The following RFTN2 variants were observed in gnomAD, a reference collection of about 807,000 sequenced individuals.
RFTN2 encodes raftlin family member 2.
Under a neutral mutation model 52.7 loss-of-function variants are expected in RFTN2, and 34 were observed. The observed-to-expected ratio is 0.64, with a 90% CI of 0.49 to 0.86. The LOEUF (loss-of-function observed/expected upper bound fraction) is 0.86. Among genes scored for constraint, RFTN2 ranks in the 40% least tolerant of loss-of-function variants. The probability of loss-of-function intolerance (pLI) is 0.00; values close to 1 mark genes in which losing one functional copy is unlikely to be tolerated. For missense variants in RFTN2, 536 were observed against 600.1 expected, an observed-to-expected ratio of 0.89 and a Z score of 1.12; for synonymous variants, 203 against 217.7, an observed-to-expected ratio of 0.93 and a Z score of 0.59.
chr2:197,593,295 A>G (rs2087746205), intron 8 of RFTN2, among the ~76,000 whole-genome samples: 2 of 152,126 alleles, frequency 1.3e-5, no homozygotes, highest in Non-Finnish European at 1.5e-5. Flanking sequence ...AACCCTAACT[A>G]CTTGGGAGGC....
At chr2:197,640,433 C>T (rs1321989163) in intron 3 of RFTN2, among the ~76,000 whole-genome samples, 1 of 152,162 alleles carries the variant, frequency 6.6e-6, no homozygotes, top group Non-Finnish European at 1.5e-5. Flanking sequence ...GATATAATCT[C>T]GTGGTGCGCC....
intron 1 of RFTN2, among the ~76,000 whole-genome samples, chr2:197,647,395 A>G (rs1006687370): frequency 1.3e-5 from 2 of 152,030 alleles, no homozygotes; most frequent in Non-Finnish European, 2.9e-5. Flanking sequence ...TTTTTTGTAG[A>G]GGCGAGGTTT....
intron 1 of RFTN2, among the ~76,000 whole-genome samples, chr2:197,653,327 T>C (rs1206623472): frequency 0.014 from 1 of 70 alleles, no homozygotes; most frequent in African/African-American, 0.038. Context: ...ATGAGGGGTC[T>C]GGAGACCTGA....
At chr2:197,639,146 G>C (rs1344759590) in intron 3 of RFTN2, among the ~76,000 whole-genome samples, 1 of 144,648 alleles carries the variant, frequency 6.9e-6, no homozygotes, top group Non-Finnish European at 1.5e-5. Context: ...AGGGTAACCT[G>C]ACCTTTCTCT....
At chr2:197,585,496 A>C (rs908739499) in intron 8 of RFTN2, among the ~76,000 whole-genome samples, 2 of 151,948 alleles carry the variant, frequency 1.3e-5, no homozygotes, top group East Asian at 3.9e-4. Flanking sequence ...CAATACTTTC[A>C]CCCTGATGAA....
At chr2:197,605,242 G>A (rs1024895034) in intron 7 of RFTN2, among the ~76,000 whole-genome samples, 18 of 150,186 alleles carry the variant, frequency 1.2e-4, no homozygotes, top group African/African-American at 3.9e-4. Flanking sequence ...TTTTTGAGAC[G>A]GAGTCTGGCT....
At position 197,596,005 on chromosome 2, in the gene RFTN2, C is replaced by T; in HGVS notation, c.1219G>A (p.Ala407Thr). 1 of 1,608,474 alleles carries T rather than the reference C, an allele frequency of 6.2e-7. No homozygotes were observed. The highest frequency in any genetic ancestry group is 1.1e-5 in the South Asian group (1 of 90,900). ...LQRPVMWNSA[A>T]QTPDKKASRH... The stretch of plus-strand genomic sequence containing the variant: ...ATTTTACTCACATCTGGTGTTTGAG[C>T]AGCTGAATTCCACATAACTGGCCTC... Residue 407 changes from alanine to threonine, a missense_variant, in exon 8 of 9, where the codon GCT becomes ACT. Coordinates refer to ENST00000295049, the MANE Select transcript of RFTN2 (RefSeq NM_144629.3).
intron 8 of RFTN2, among the ~76,000 whole-genome samples, chr2:197,578,253 T>G (rs2087450257): frequency 6.6e-6 from 1 of 152,156 alleles, no homozygotes; most frequent in South Asian, 2.1e-4. Context: ...AATAAGACAT[T>G]CATAGTAATT....
At chr2:197,610,407 GCTCT>G (rs1273233485) in intron 7 of RFTN2, among the ~76,000 whole-genome samples, 1 of 151,904 alleles carries the variant, frequency 6.6e-6, no homozygotes, top group Admixed American at 6.6e-5. Flanking sequence ...TCATGATTTG[GCTCT>G]CTGTCTGTTA....
chr2:197,674,055 A>C (rs2089181576), intron 1 of RFTN2, among the ~76,000 whole-genome samples: 1 of 152,222 alleles, frequency 6.6e-6, no homozygotes, highest in African/African-American at 2.4e-5. Flanking sequence ...GTATAGAAAA[A>C]ATTCAAACGG....
intron 8 of RFTN2, among the ~76,000 whole-genome samples, chr2:197,575,203 A>G (rs1482352688): frequency 1.3e-5 from 2 of 152,218 alleles, no homozygotes; most frequent in Non-Finnish European, 2.9e-5. Context: ...CATGTAAGAC[A>G]TGACTTTGCT....
At chr2:197,621,793 A>G (rs1288475509) in intron 5 of RFTN2, among the ~76,000 whole-genome samples, 1 of 152,172 alleles carries the variant, frequency 6.6e-6, no homozygotes, top group East Asian at 1.9e-4. Context: ...AGTGAAAAGA[A>G]GAGTCACAAG....
intron 2 of RFTN2, among the ~76,000 whole-genome samples, chr2:197,644,718 G>T (rs1368046989): frequency 3.3e-5 from 5 of 152,076 alleles, no homozygotes; most frequent in Non-Finnish European, 7.4e-5. Flanking sequence ...AATCCTAAAA[G>T]CAGAAAAGAT....
intron 1 of RFTN2, among the ~76,000 whole-genome samples, chr2:197,669,770 A>G (rs1015338709): frequency 6.6e-6 from 1 of 152,178 alleles, no homozygotes; most frequent in African/African-American, 2.4e-5. Context: ...ACAGACCAGT[A>G]CCAGTCTGCA....
intron 8 of RFTN2, among the ~76,000 whole-genome samples, chr2:197,580,129 T>G (rs1223476630): frequency 6.6e-6 from 1 of 151,948 alleles, no homozygotes; most frequent in Non-Finnish European, 1.5e-5. Flanking sequence ...AGCCATATTA[T>G]TCTCAATATG....
chr2:197,614,293 A>C (rs2088107423), intron 7 of RFTN2, among the ~76,000 whole-genome samples: 1 of 152,142 alleles, frequency 6.6e-6, no homozygotes, highest in Admixed American at 6.5e-5. Flanking sequence ...ATGGCGTGGC[A>C]GAGATAAGAG....
At chr2:197,610,285 A>G (rs2088034569) in intron 7 of RFTN2, among the ~76,000 whole-genome samples, 1 of 151,982 alleles carries the variant, frequency 6.6e-6, no homozygotes, top group South Asian at 2.1e-4. Context: ...GTCCTCTTTT[A>G]TTTCCTTGAG....
chr2:197,633,787 G>T lies in RFTN2; in HGVS notation c.649C>A (p.His217Asn), dbSNP rs764624297. 6.2e-6 allele frequency: 10 copies of T among 1,613,582 alleles called. No homozygotes were observed. The East Asian group carries it at 2.2e-4, about 36-fold the overall frequency. Residue 217 changes from histidine to asparagine, a missense_variant, in exon 4 of 9, where the codon CAT becomes AAT. Transcript: ENST00000295049. ...TCCATTTGATACTGTCCACTTTCAT[G>T]ATGAAGTTCTTCCTCAATTCCGCTT... ...SESGIEEELH[H>N]ESGQYQMEQN...
At chr2:197,653,642 G>A (rs2088854095) in intron 1 of RFTN2, among the ~76,000 whole-genome samples, 1 of 152,024 alleles carries the variant, frequency 6.6e-6, no homozygotes, top group Non-Finnish European at 1.5e-5. Context: ...AAAATCTATT[G>A]GGTTGGTGCA....
Sources: allele counts gnomAD v4.1 joint callset (sites outside exome capture counted in the v4.1 genomes callset), GRCh38; gene constraint gnomAD v4.1.1; transcripts MANE v1.5; gene names NCBI Gene and HGNC (gene_info 2026-07-23, HGNC 2026-07-21).